The following CLEC4F variants were observed in gnomAD, a reference collection of about 807,000 sequenced individuals.
The protein encoded by CLEC4F is C-type (calcium dependent, carbohydrate-recognition domain) lectin, superfamily member 13.
A neutral mutation model predicts 53.4 loss-of-function variants in CLEC4F; 45 were observed. The ratio of observed to expected loss-of-function variants is 0.84; its 90% CI spans 0.66 to 1.08. CLEC4F has a LOEUF of 1.08. CLEC4F is among the 50% of genes least tolerant of loss of function. The pLI is 0.00. For synonymous variants in CLEC4F, 245 were observed against 257.5 expected, an observed-to-expected ratio of 0.95 and a Z score of 0.46; for missense variants, 753 against 698.2, an observed-to-expected ratio of 1.08 and a Z score of -0.88.
chr2:70,824,954 A>G (rs928012605), upstream of CLEC4F, among the ~76,000 whole-genome samples: 12 of 152,200 alleles, frequency 7.9e-5, no homozygotes, highest in African/African-American at 2.7e-4. Context: ...TCCTTCCAAA[A>G]AGTTCAGTAC....
At chr2:70,813,269 T>C (rs1553394762) in intron 4 of CLEC4F, among the ~76,000 whole-genome samples, 1 of 152,186 alleles carries the variant, frequency 6.6e-6, no homozygotes, top group East Asian at 1.9e-4. Context: ...GCCACTGCCA[T>C]ACTGTACAAA....
At chr2:70,812,207 C>A (rs1285160067) in intron 5 of CLEC4F, among the ~76,000 whole-genome samples, 1 of 152,214 alleles carries the variant, frequency 6.6e-6, no homozygotes, top group East Asian at 1.9e-4. Context: ...GGCCTTCCTC[C>A]CTGCTGATGT....
rs1553393438 is a variant in CLEC4F, at chr2:70,809,179, C to T, written c.*92G>A. The T allele has an allele frequency of 6.4e-7, 1 of 1,561,608 alleles. No individual in the cohort carries two copies. ...ACATGGGATGAGTCTAGGGAGCTGACTTGAGATGGGTCCTTCATCCCCTAG... is the reference window on the plus strand; with the variant it reads ...ACATGGGATGAGTCTAGGGAGCTGATTTGAGATGGGTCCTTCATCCCCTAG... On this transcript the variant is annotated 3_prime_UTR_variant, in exon 7 of 7. Coordinates refer to ENST00000272367, the MANE Select transcript of CLEC4F (RefSeq NM_173535.3).
rs80022166 is a variant in CLEC4F at position 70,811,700 on chromosome 2, G to A, written c.1539+747C>T. On this transcript the variant is annotated intron_variant, in intron 5 of 6. Coordinates refer to ENST00000272367, the MANE Select transcript of CLEC4F (RefSeq NM_173535.3). The stretch of plus-strand genomic sequence containing the variant: ...GACGGTATTGCGTTTGGTGGTCCTC[G>A]GACCCATAGTTGTGTGCCTGGTCTT... 2.8e-3 allele frequency among the ~76,000 whole-genome samples: 424 copies of A among 152,176 alleles called. 1 individual carries two copies. The highest frequency in any genetic ancestry group is 9.7e-3 in the African/African-American group (404 of 41,514).
At chr2:70,821,964 C>T (rs1486614178), upstream of CLEC4F, among the ~76,000 whole-genome samples, 1 of 151,966 alleles carries the variant, frequency 6.6e-6, no homozygotes, top group African/African-American at 2.4e-5. Flanking sequence ...TCTTTTTATA[C>T]CCCAGGCTGG....
At chr2:70,815,902 T>A (rs192221484) in intron 4 of CLEC4F, 92 bp downstream of exon 4, 1 of 1,330,038 alleles carries the variant, frequency 7.5e-7, no homozygotes, top group Admixed American at 2.3e-5. Context: ...AGGAGATGCA[T>A]GTTGCAGTAA....
chr2:70,809,142 C>T lies in CLEC4F; in HGVS notation c.*129G>A. On this transcript the variant is annotated 3_prime_UTR_variant, in exon 7 of 7. Coordinates refer to ENST00000272367, the MANE Select transcript of CLEC4F (RefSeq NM_173535.3). ...AGCATCCCTTCCTGGTGCTGTGGCT[C>T]CTAGGGAGCTGACATGGGATGAGTC... The T allele has an allele frequency of 1.9e-6, 3 of 1,552,180 alleles. No homozygotes were observed. Among genetic ancestry groups the T allele is most frequent in the Non-Finnish European group, 2.6e-6 (3 of 1,147,412 alleles).
chr2:70,824,260 A>T (rs13389683), upstream of CLEC4F, among the ~76,000 whole-genome samples: 91,280 of 151,290 alleles, frequency 0.6, 28,004 homozygotes, highest in Middle Eastern at 0.7. Context: ...CAACAATTCA[A>T]CACATTTACA....
At chr2:70,817,299 G>C (rs1054980598) in intron 3 of CLEC4F, among the ~76,000 whole-genome samples, 187 bp from the exon 4 acceptor site, 1 of 152,112 alleles carries the variant, frequency 6.6e-6, no homozygotes, top group Non-Finnish European at 1.5e-5. Context: ...TGAGAATGTG[G>C]GCCAAGAAAC....
chr2:70,814,858 A>G (rs886247868), intron 4 of CLEC4F, among the ~76,000 whole-genome samples: 4 of 148,580 alleles, frequency 2.7e-5, no homozygotes, highest in Admixed American at 6.7e-5. Flanking sequence ...AAAAAATCAC[A>G]GTTCTGGAGG....
rs1676621967 is a variant in CLEC4F, at chr2:70,812,456, CT to C, written c.1529del (p.Lys510ArgfsTer8). ...TGCTCGCAGCTCTGACCTGCTCCTC[CT>C]TGGAGGCCACAGATGCCAGATGGGC... ...QGAHLASVAS[K>X]EEQAFLVEFT... On this transcript the variant is annotated frameshift_variant, in exon 5 of 7. Transcript: ENST00000272367. LOFTEE classifies it high-confidence loss of function. 1 of 1,613,992 alleles carries C rather than the reference CT, an allele frequency of 6.2e-7. No individual in the cohort carries two copies. The highest frequency in any genetic ancestry group is 1.3e-5 in the African/African-American group (1 of 74,918).
chr2:70,816,024 T>C lies in CLEC4F; in HGVS notation c.1357A>G (p.Thr453Ala). 1.2e-6 allele frequency: 2 copies of C among 1,614,066 alleles called. No homozygotes were observed. Among genetic ancestry groups the C allele is most frequent in the Non-Finnish European group, 1.7e-6 (2 of 1,180,000 alleles). ...GTTCTTTGTAGCTGTTCCTGTGAAG[T>C]AATGACCACATGGAGGGTCTTCAGG... ...SRLKTLHVVI[T>A]SQEQLQRTQS... Residue 453 changes from threonine (T) to alanine (A), a missense_variant, in exon 4 of 7, where the codon ACT becomes GCT. By Grantham distance (58) the Thr-to-Ala change is moderately conservative. Coordinates refer to ENST00000272367, the MANE Select transcript of CLEC4F (RefSeq NM_173535.3).
upstream of CLEC4F, among the ~76,000 whole-genome samples, chr2:70,823,961 C>A (rs933514176): frequency 7.0e-6 from 1 of 142,930 alleles, no homozygotes; most frequent in African/African-American, 2.6e-5. Flanking sequence ...ACCTGGGAGG[C>A]GGAGGTGGCA....
In CLEC4F at chr2:70,809,393, C is replaced by A; in HGVS notation, c.1659-11G>T. 1.3e-6 allele frequency: 2 copies of A among 1,590,740 alleles called. No homozygotes were observed. Among genetic ancestry groups the A allele is most frequent in the Non-Finnish European group, 1.7e-6 (2 of 1,169,164 alleles). ...CCCTTGGAACCAGGCCTGAGTAGGG[C>A]AGGGGGAAAAAAACAGAAAGACCCA... On this transcript the variant is annotated splice_polypyrimidine_tract_variant and intron_variant, in intron 6 of 6. Coordinates refer to ENST00000272367, the MANE Select transcript of CLEC4F (RefSeq NM_173535.3).
In CLEC4F at chr2:70,816,310, A is replaced by G; in HGVS notation, c.1071T>C (p.Thr357=). 6.2e-7 allele frequency: 1 copy of G among 1,614,156 alleles called. No individual in the cohort carries two copies. Among genetic ancestry groups the G allele is most frequent in the South Asian group, 1.1e-5 (1 of 91,078 alleles). ...KANGRLDQTD[T]QIQVFKSEME... ...TCTCTGACTTGAATACCTGAATCTG[A>G]GTATCTGTCTGGTCCAGACGGCCAT... The change falls in exon 4 of 7, where the codon ACT becomes ACC. Residue 357 remains threonine (T), a synonymous_variant. Coordinates refer to ENST00000272367, the MANE Select transcript of CLEC4F (RefSeq NM_173535.3).
intron 4 of CLEC4F, 25 bp downstream of exon 4, chr2:70,815,969 A>G (rs1187629816): frequency 5.0e-6 from 8 of 1,597,916 alleles, no homozygotes; most frequent in East Asian, 2.2e-5. Context: ...GCCCTCCCCA[A>G]ACGCGACTCC....
intron 3 of CLEC4F, among the ~76,000 whole-genome samples, 187 bp from the exon 4 acceptor site, chr2:70,817,299 G>A (rs1054980598): frequency 6.6e-6 from 1 of 152,112 alleles, no homozygotes; most frequent in Admixed American, 6.6e-5. Context: ...TGAGAATGTG[G>A]GCCAAGAAAC....
At chr2:70,821,901 T>C (rs1158417891), upstream of CLEC4F, among the ~76,000 whole-genome samples, 3 of 152,140 alleles carry the variant, frequency 2.0e-5, no homozygotes, top group Non-Finnish European at 2.9e-5. Context: ...TACAGGTGTG[T>C]GCCAACATAC....
upstream of CLEC4F, among the ~76,000 whole-genome samples, chr2:70,824,386 CA>C (rs1209263537): frequency 2.0e-5 from 3 of 151,156 alleles, no homozygotes; most frequent in African/African-American, 7.3e-5. Context: ...ATGATCTTTT[CA>C]AAAAAAATTA....
Sources: allele counts gnomAD v4.1 joint callset (sites outside exome capture counted in the v4.1 genomes callset), GRCh38; gene constraint gnomAD v4.1.1; transcripts MANE v1.5; gene names NCBI Gene and HGNC (gene_info 2026-07-23, HGNC 2026-07-21).